The following VPS13A variants were observed in gnomAD, a reference collection of about 807,000 sequenced individuals.
VPS13A encodes the protein vacuolar protein sorting 13 homolog A.
A neutral mutation model predicts 390.9 loss-of-function variants in VPS13A; 264 were observed. The ratio of observed to expected loss-of-function variants is 0.68; its 90% CI spans 0.61 to 0.75. VPS13A has a LOEUF of 0.75. Ranked by LOEUF, VPS13A falls within the 30% of genes least tolerant of loss-of-function variation. The probability of loss-of-function intolerance (pLI) is 0.00; values close to 1 mark genes in which losing one functional copy is unlikely to be tolerated. For synonymous variants in VPS13A, 1,231 were observed against 1,227.1 expected (o/e 1.00, Z -0.07); for missense variants, 3,409 against 3,733.9 (o/e 0.91, Z 2.27).
At chr9:77,387,105 G>GAA (rs573286383) in intron 68 of VPS13A, among the ~76,000 whole-genome samples, 4 of 146,930 alleles carry the variant, frequency 2.7e-5, no homozygotes, top group Admixed American at 1.4e-4. Context: ...TTCCAGTTTT[G>GAA]AAAAAAAACT....
At chr9:77,334,207 G>C (rs946514404) in intron 46 of VPS13A, among the ~76,000 whole-genome samples, 2 of 152,172 alleles carry the variant, frequency 1.3e-5, no homozygotes, top group Non-Finnish European at 2.9e-5. Context: ...TTGGAATGTA[G>C]AGTGCATGTT....
chr9:77,351,360 G>T lies in VPS13A; in HGVS notation c.7333G>T (p.Val2445Leu). ...IEDSLPPGKA[V>L]FYTWADPVGS... is the part of the protein sequence containing the mutation. ...AGATTCCCTCCCTCCTGGTAAAGCC[G>T]TGTTTTATACATGGGCTGATCCGGT... Residue 2445 changes from valine (V) to leucine (L), a missense_variant, in exon 53 of 72, where the codon GTG becomes TTG. By Grantham distance (32) the Val-to-Leu change is conservative. Coordinates refer to ENST00000360280, the MANE Select transcript of VPS13A (RefSeq NM_033305.3). The T allele has an allele frequency of 7.4e-6, 12 of 1,613,846 alleles. No individual in the cohort carries two copies. The highest frequency in any genetic ancestry group is 1.0e-5 in the Non-Finnish European group (12 of 1,179,858).
intron 22 of VPS13A, among the ~76,000 whole-genome samples, chr9:77,257,449 A>G (rs1050103725): frequency 3.9e-5 from 6 of 152,050 alleles, no homozygotes; most frequent in Non-Finnish European, 7.4e-5. Context: ...TGCCCAGGCT[A>G]TAACAGCCTA....
intron 22 of VPS13A, among the ~76,000 whole-genome samples, chr9:77,258,398 T>C (rs903925939): frequency 8.5e-5 from 13 of 152,202 alleles, no homozygotes; most frequent in African/African-American, 1.9e-4. Flanking sequence ...TTAATACTTA[T>C]TATACTTAAC....
rs1835244940 is a variant in VPS13A, at chr9:77,418,624, C to G, written c.*2618C>G. The G allele has an allele frequency of 1.3e-5, 2 of 151,792 alleles. No individual in the cohort carries two copies. Among genetic ancestry groups the G allele is most frequent in the Non-Finnish European group, 2.9e-5 (2 of 67,968 alleles). 9.4% of individuals were successfully genotyped at this position (151,792 alleles called of 1,614,324 possible). A position where few individuals can be genotyped will look rare whatever the true frequency, so the allele number is the denominator to read the frequency against. ...TGGCTGAGTTGTTGTTATCTGGACC[C>G]TAAACAATCATTACCACCTGTAGAC... On this transcript the variant is annotated 3_prime_UTR_variant, in exon 72 of 72. Transcript: ENST00000360280.
At chr9:77,329,086 A>G (rs1830157219) in intron 45 of VPS13A, among the ~76,000 whole-genome samples, 1 of 152,148 alleles carries the variant, frequency 6.6e-6, no homozygotes, top group African/African-American at 2.4e-5. Flanking sequence ...AACTGTCCCC[A>G]TGATCCAGTT....
chr9:77,414,290 A>G (rs370690566), intron 71 of VPS13A, among the ~76,000 whole-genome samples: 1,626 of 152,216 alleles, frequency 0.011, 23 homozygotes, highest in African/African-American at 0.025. Context: ...ACATGCACAC[A>G]TATGTTTATT....
intron 68 of VPS13A, among the ~76,000 whole-genome samples, chr9:77,393,629 G>T (rs528524808): frequency 6.6e-6 from 1 of 152,154 alleles, no homozygotes; most frequent in Non-Finnish European, 1.5e-5. Context: ...CATTAATCTC[G>T]TACATCTTCA....
chr9:77,219,707 G>C (rs138676545), intron 10 of VPS13A, among the ~76,000 whole-genome samples: 57 of 151,556 alleles, frequency 3.8e-4, no homozygotes, highest in African/African-American at 1.3e-3. Flanking sequence ...TATCATATTG[G>C]TATTTTGAGG....
At chr9:77,304,869 C>T (rs1171393961) in intron 34 of VPS13A, among the ~76,000 whole-genome samples, 1 of 151,964 alleles carries the variant, frequency 6.6e-6, no homozygotes, top group Admixed American at 6.6e-5. Context: ...CACAGTTTCC[C>T]TTTCTATTTC....
intron 46 of VPS13A, 107 bp from the exon 47 acceptor site, chr9:77,337,148 T>C (rs1194788082): frequency 8.9e-7 from 1 of 1,126,680 alleles, no homozygotes; most frequent in Non-Finnish European, 1.2e-6. Flanking sequence ...AAAAATGTAC[T>C]ACAATATTAT....
In VPS13A at chr9:77,353,608, C is replaced by G; in HGVS notation, c.7619C>G (p.Thr2540Arg). ...GGAATTTCTCTTGTCAACAATTACA[C>G]GAAGCAAGAAGTAGCCTATATAGGC... ...DVGISLVNNY[T>R]KQEVAYIGIT... The change falls in exon 54 of 72, where the codon ACG (threonine) becomes AGG (arginine). Residue 2540 changes from threonine to arginine, a missense_variant. Thr to Arg is a moderately conservative substitution (Grantham distance 71). This residue lies in a region of VPS13A where 221 missense variants were observed against 300.7 expected (regional missense o/e 0.73). Transcript: ENST00000360280. The G allele has an allele frequency of 6.2e-7, 1 of 1,613,316 alleles. No homozygotes were observed. Among genetic ancestry groups the G allele is most frequent in the East Asian group, 2.2e-5 (1 of 44,772 alleles).
chr9:77,300,261 C>T (rs117574852), intron 33 of VPS13A, among the ~76,000 whole-genome samples: 3,078 of 152,116 alleles, frequency 0.02, 66 homozygotes, highest in Admixed American at 0.062. Flanking sequence ...TACAGTTTTG[C>T]TATTATAAAT....
At chr9:77,218,920 C>T (rs893408011) in intron 10 of VPS13A, among the ~76,000 whole-genome samples, 2 of 152,076 alleles carry the variant, frequency 1.3e-5, no homozygotes, top group African/African-American at 2.4e-5. Flanking sequence ...TTTTTACCCC[C>T]GGCCGTGTTC....
intron 71 of VPS13A, among the ~76,000 whole-genome samples, chr9:77,411,222 G>A (rs554152659): frequency 6.6e-6 from 1 of 152,256 alleles, no homozygotes; most frequent in Admixed American, 6.5e-5. Flanking sequence ...CAGAAATAAA[G>A]ATGTTCTTTG....
At chr9:77,411,202 G>T (rs1031192288) in intron 71 of VPS13A, among the ~76,000 whole-genome samples, 7 of 152,056 alleles carry the variant, frequency 4.6e-5, no homozygotes, top group Admixed American at 2.6e-4. Flanking sequence ...GGTACATAAC[G>T]AAATGAAGGC....
chr9:77,183,476 A>G (rs1430457438), intron 1 of VPS13A, among the ~76,000 whole-genome samples: 2 of 152,146 alleles, frequency 1.3e-5, no homozygotes, highest in African/African-American at 4.8e-5. Flanking sequence ...ATGGGATTGT[A>G]CAGTTTGTAT....
chr9:77,322,225 G>A (rs1829786655), intron 44 of VPS13A, among the ~76,000 whole-genome samples: 1 of 151,300 alleles, frequency 6.6e-6, no homozygotes, highest in Non-Finnish European at 1.5e-5. Context: ...TGCCTGTTGA[G>A]ATGAAGGTTT....
chr9:77,347,043 A>G (rs1831195898), intron 52 of VPS13A, among the ~76,000 whole-genome samples: 1 of 152,148 alleles, frequency 6.6e-6, no homozygotes, highest in African/African-American at 2.4e-5. Flanking sequence ...ATTGGTCTGC[A>G]TGCCTATTTT....
Sources: allele counts gnomAD v4.1 joint callset (sites outside exome capture counted in the v4.1 genomes callset), GRCh38; gene constraint gnomAD v4.1.1; regional missense constraint gnomAD v4.1.1; transcripts MANE v1.5; gene names NCBI Gene and HGNC (gene_info 2026-07-23, HGNC 2026-07-21).